NSMAF: variants seen among roughly 807,000 people sequenced by gnomAD.
The protein encoded by NSMAF is protein FAN.
A neutral mutation model predicts 134.9 loss-of-function variants in NSMAF; 90 were observed. The ratio of observed to expected loss-of-function variants is 0.67; its 90% CI spans 0.56 to 0.79. The LOEUF is 0.79. NSMAF is among the 30% of genes least tolerant of loss of function. The pLI is 0.00. For missense variants in NSMAF, 1,010 were observed against 1,119.0 expected, an observed-to-expected ratio of 0.90 and a Z score of 1.39; for synonymous variants, 358 against 389.6, an observed-to-expected ratio of 0.92 and a Z score of 0.96.
chr8:58,625,484 T>C (rs958158344), intron 6 of NSMAF, among the ~76,000 whole-genome samples: 3 of 152,216 alleles, frequency 2.0e-5, no homozygotes, highest in Admixed American at 1.3e-4. Context: ...CCCTGACTAA[T>C]GCATTTGTAA....
Position 58,603,271 on chromosome 8 carries a change from G to C in NSMAF, c.984C>G (p.Asn328Lys). The change falls in exon 13 of 31, where the codon AAC (asparagine) becomes AAG (lysine). Residue 328 changes from asparagine to lysine, a missense_variant. Asn to Lys is a moderately conservative substitution (Grantham distance 94). Coordinates refer to ENST00000038176, the MANE Select transcript of NSMAF (RefSeq NM_003580.4). ...GAAACACAGGGTACTGGGAGAGGTC[G>C]TTGCAGCTGCGGTCGGCCAGGTTGT... Reference protein sequence around the residue: ...HLNNLADRSCNDLSQYPVFPW... With the variant: ...HLNNLADRSCKDLSQYPVFPW... 1 of 1,614,198 alleles carries C rather than the reference G, an allele frequency of 6.2e-7. No homozygotes were observed. The highest frequency in any genetic ancestry group is 8.5e-7 in the Non-Finnish European group (1 of 1,180,046).
At chr8:58,639,432 A>G (rs994686267) in intron 2 of NSMAF, among the ~76,000 whole-genome samples, 5 of 152,256 alleles carry the variant, frequency 3.3e-5, no homozygotes, top group African/African-American at 1.2e-4. Context: ...TAGGATGGCT[A>G]TTATCAAAAA....
intron 5 of NSMAF, 109 bp from the exon 6 acceptor site, chr8:58,631,655 T>C (rs1807060772): frequency 1.7e-6 from 1 of 573,602 alleles, no homozygotes. Flanking sequence ...CATTGTTATA[T>C]AATCTCTATT....
intron 11 of NSMAF, among the ~76,000 whole-genome samples, chr8:58,607,269 G>T (rs1460390506): frequency 6.6e-6 from 1 of 152,330 alleles, no homozygotes; most frequent in South Asian, 2.1e-4. Flanking sequence ...ACTTATTCAG[G>T]GAATGGTGGA....
At chr8:58,592,230 G>A (rs1181948743) in intron 23 of NSMAF, among the ~76,000 whole-genome samples, 1 of 152,024 alleles carries the variant, frequency 6.6e-6, no homozygotes, top group East Asian at 1.9e-4. Flanking sequence ...CTATAAAGAT[G>A]TTTTTCTCTC....
At position 58,635,398 on chromosome 8, in the gene NSMAF, T is replaced by C. The variant is rs565351905; in HGVS notation, c.229-26A>G. ...CTGGATAAAATTGAGAGAAATATTA[T>C]AAAAATCAAGAAAGGTAAGACATAC... On this transcript the variant is annotated intron_variant, in intron 3 of 30. Coordinates refer to ENST00000038176, the MANE Select transcript of NSMAF (RefSeq NM_003580.4). 28 of 1,581,340 alleles carry C rather than the reference T, an allele frequency of 1.8e-5. No individual in the cohort carries two copies. The Admixed American group carries it at 3.0e-4, about 17-fold the overall frequency.
chr8:58,642,476 C>T (rs780386142), intron 2 of NSMAF, among the ~76,000 whole-genome samples: 5 of 152,270 alleles, frequency 3.3e-5, no homozygotes, highest in Admixed American at 2.6e-4. Flanking sequence ...GCTTCTAGTT[C>T]AAATCGCATG....
chr8:58,641,506 C>T (rs1339984033), intron 2 of NSMAF, among the ~76,000 whole-genome samples: 1 of 152,208 alleles, frequency 6.6e-6, no homozygotes, highest in Non-Finnish European at 1.5e-5. Context: ...ACAAAAGTAG[C>T]TTATGACACA....
At chr8:58,603,093 G>T in intron 13 of NSMAF, 117 bp downstream of exon 13, 1 of 998,284 alleles carries the variant, frequency 1.0e-6, no homozygotes. Context: ...GAAATGAGTT[G>T]TAATTTGTTC....
At position 58,599,745 on chromosome 8, in the gene NSMAF, C is replaced by A; in HGVS notation, c.1453+5G>T. 6.2e-7 allele frequency: 1 copy of A among 1,613,268 alleles called. No homozygotes were observed. Among genetic ancestry groups the A allele is most frequent in the Non-Finnish European group, 8.5e-7 (1 of 1,179,578 alleles). ...ATAATACAACACCTCCAAGGGGGGA[C>A]TCACTGGAAGCCCAAGGGGGAAGCT... On this transcript the variant is annotated splice_donor_5th_base_variant and intron_variant, in intron 18 of 30. Coordinates refer to ENST00000038176, the MANE Select transcript of NSMAF (RefSeq NM_003580.4).
chr8:58,611,911 T>C (rs1171605313), intron 9 of NSMAF, among the ~76,000 whole-genome samples: 5 of 152,182 alleles, frequency 3.3e-5, no homozygotes, highest in Non-Finnish European at 5.9e-5. Context: ...AGTTCATAGA[T>C]GCATGTTATT....
In NSMAF at chr8:58,597,453, T is replaced by G. The variant is rs747541419; in HGVS notation, c.1726A>C (p.Ile576Leu). The G allele has an allele frequency of 6.2e-7, 1 of 1,614,044 alleles. No homozygotes were observed. The highest frequency in any genetic ancestry group is 1.3e-5 in the African/African-American group (1 of 74,942). ...QLFVTPHPRR[I>L]TPKFKSLSQT... ...GACAAACTTTTAAACTTTGGGGTGA[T>G]CCTTCGAGGATGTGGTGTCACAAAT... is the stretch of plus-strand genomic sequence containing the variant. Residue 576 changes from isoleucine to leucine, a missense_variant, in exon 21 of 31, where the codon ATC becomes CTC. Physicochemically the swap from Ile to Leu is conservative, Grantham distance 5. Transcript: ENST00000038176.
chr8:58,624,772 T>C (rs1806878479), intron 6 of NSMAF, among the ~76,000 whole-genome samples: 1 of 152,178 alleles, frequency 6.6e-6, no homozygotes. Context: ...GGGTCTACAG[T>C]GTTGTGCAAG....
At chr8:58,632,211 C>T (rs1807070103) in intron 5 of NSMAF, among the ~76,000 whole-genome samples, 1 of 152,238 alleles carries the variant, frequency 6.6e-6, no homozygotes, top group African/African-American at 2.4e-5. Flanking sequence ...ACTGCACTCT[C>T]TCCCTTTTAC....
chr8:58,608,028 T>A (rs1806447707), intron 10 of NSMAF, among the ~76,000 whole-genome samples, 188 bp from the exon 11 acceptor site: 1 of 152,268 alleles, frequency 6.6e-6, no homozygotes, highest in African/African-American at 2.4e-5. Context: ...ACTAGCTTTA[T>A]GACCTTGGGC....
Position 58,599,851 on chromosome 8 carries a change from C to T in NSMAF, c.1352G>A (p.Gly451Asp), listed in dbSNP as rs757212798. Residue 451 changes from glycine (G) to aspartate (D), a missense_variant, in exon 18 of 31, where the codon GGT becomes GAT. Transcript: ENST00000038176. ...DFKELIPEFY[G>D]DDVSFLVNSL... ...ATTGACTAGAAAGCTCACATCATCA[C>T]CATAGAATTCTGGAATTAACTGAAA... 1.9e-6 allele frequency: 3 copies of T among 1,613,740 alleles called. No individual in the cohort carries two copies. Among genetic ancestry groups the T allele is most frequent in the Non-Finnish European group, 1.7e-6 (2 of 1,179,964 alleles).
chr8:58,611,208 C>G (rs1364380447), intron 9 of NSMAF, among the ~76,000 whole-genome samples: 2 of 152,072 alleles, frequency 1.3e-5, no homozygotes, highest in African/African-American at 4.8e-5. Context: ...TTGGATCAAT[C>G]AGAGGAAGAC....
intron 9 of NSMAF, among the ~76,000 whole-genome samples, chr8:58,618,706 G>A (rs2129143664): frequency 6.6e-6 from 1 of 152,062 alleles, no homozygotes; most frequent in Admixed American, 6.5e-5. Flanking sequence ...GAATCATAGG[G>A]GATCTGCCTT....
intron 9 of NSMAF, among the ~76,000 whole-genome samples, chr8:58,613,151 A>G (rs113043285): frequency 1.4e-3 from 214 of 152,334 alleles, no homozygotes; most frequent in African/African-American, 4.7e-3. Flanking sequence ...GAAATTATAA[A>G]CATCTAAATA....
Sources: gnomAD v4.1 joint callset for allele counts (sites outside exome capture counted in the v4.1 genomes callset) on GRCh38, gnomAD v4.1.1 for gene constraint, MANE v1.5 for transcripts, NCBI Gene and HGNC (gene_info 2026-07-23, HGNC 2026-07-21) for gene names.